DFFB: variants seen among roughly 807,000 people sequenced by gnomAD.
The protein encoded by DFFB is DNA fragmentation factor subunit beta.
DFFB carries 29 observed loss-of-function variants against 32.7 expected under a neutral mutation model. The observed-to-expected ratio is 0.89, with a 90% CI of 0.66 to 1.21. The LOEUF is 1.21. DFFB is among the 50% of genes most tolerant of loss of function. The pLI, the probability that DFFB is intolerant of heterozygous loss-of-function variation, is 0.00. For synonymous variants in DFFB, 170 were observed against 177.1 expected, an observed-to-expected ratio of 0.96 and a Z score of 0.32; for missense variants, 398 against 440.6, an observed-to-expected ratio of 0.90 and a Z score of 0.87.
intron 2 of DFFB, among the ~76,000 whole-genome samples, chr1:3,863,374 C>T (rs546472408): frequency 2.6e-5 from 4 of 152,148 alleles, no homozygotes; most frequent in East Asian, 3.9e-4. Context: ...CCAGTGTGGG[C>T]GAGGATGCAG....
At chr1:3,877,845 ATTCTGTGCCG>A (rs879859215) in intron 6 of DFFB, among the ~76,000 whole-genome samples, 1,463 of 113,672 alleles carry the variant, frequency 0.013, 15 homozygotes, top group Admixed American at 0.021. Context: ...CCGGCTTTCT[ATTCTGTGCCG>A]GCTTTCTATT....
Position 3,874,902 on chromosome 1 carries a change from C to T in DFFB, c.782+2330C>T, listed in dbSNP as rs1211948529. On this transcript the variant is annotated intron_variant, in intron 6 of 6. Coordinates refer to ENST00000378209, the MANE Select transcript of DFFB (RefSeq NM_004402.4). Reference sequence around the variant, plus strand: ...CCTCCCATGCTGTGGTCTGCAGAGCCGTGTAGCTGCACCTTTACCACACGT... The same window carrying T: ...CCTCCCATGCTGTGGTCTGCAGAGCTGTGTAGCTGCACCTTTACCACACGT... 4.6e-5 allele frequency among the ~76,000 whole-genome samples: 7 copies of T among 151,688 alleles called. No individual in the cohort carries two copies. The East Asian group carries it at 5.9e-4, about 13-fold the overall frequency.
intron 3 of DFFB, 175 bp from the exon 4 acceptor site, chr1:3,867,799 G>A (rs1645013899): frequency 4.6e-6 from 3 of 653,422 alleles, no homozygotes; most frequent in Non-Finnish European, 8.3e-6. Flanking sequence ...GCTGTAGTAA[G>A]CTGTGTTCGT....
rs1358840918 is a variant in DFFB, at chr1:3,865,744, T to G, written c.242-68T>G. Reference sequence around the variant, plus strand: ...TGGGGGAAGATGTGGTCAGAGGCTCTTCTTGTGACCGGGGCAGGATGTGTC... The same window carrying G: ...TGGGGGAAGATGTGGTCAGAGGCTCGTCTTGTGACCGGGGCAGGATGTGTC... On this transcript the variant is annotated intron_variant, in intron 2 of 6. Coordinates refer to ENST00000378209, the MANE Select transcript of DFFB (RefSeq NM_004402.4). The surrounding 1 kb of genome is among the most constrained non-coding windows in gnomAD (Gnocchi z 4.7). 6.2e-7 allele frequency: 1 copy of G among 1,613,166 alleles called. No homozygotes were observed. The highest frequency in any genetic ancestry group is 1.1e-5 in the South Asian group (1 of 91,042).
intron 5 of DFFB, among the ~76,000 whole-genome samples, chr1:3,871,097 T>A (rs941971683): frequency 3.3e-5 from 5 of 152,022 alleles, no homozygotes; most frequent in African/African-American, 1.2e-4. Context: ...CATGGGTCCT[T>A]GCTTCTCACG....
intron 4 of DFFB, among the ~76,000 whole-genome samples, chr1:3,868,491 C>T (rs933225081): frequency 7.9e-5 from 12 of 152,076 alleles, no homozygotes; most frequent in Non-Finnish European, 1.5e-4. Context: ...ACCTCTCCAC[C>T]GCTCCCTCCT....
At chr1:3,867,230 C>G (rs1159833908) in intron 3 of DFFB, among the ~76,000 whole-genome samples, 1 of 152,252 alleles carries the variant, frequency 6.6e-6, no homozygotes, top group Non-Finnish European at 1.5e-5. Flanking sequence ...TGACAGTCCA[C>G]TGCGTGTACA....
At chr1:3,881,690 C>T (rs1645340958) in intron 6 of DFFB, among the ~76,000 whole-genome samples, 2 of 152,070 alleles carry the variant, frequency 1.3e-5, no homozygotes, top group African/African-American at 4.8e-5. Context: ...GAAACCCCAT[C>T]TACTAAAAAT....
chr1:3,884,992 C>T lies in DFFB; in HGVS notation c.*1251C>T, dbSNP rs1320635980. ...AAAAATGGTGAGCGATCATTTATTTCATGATTCAACCTGATACATTTACAT... is the reference window on the plus strand; with the variant it reads ...AAAAATGGTGAGCGATCATTTATTTTATGATTCAACCTGATACATTTACAT... On this transcript the variant is annotated 3_prime_UTR_variant, in exon 7 of 7. Coordinates refer to ENST00000378209, the MANE Select transcript of DFFB (RefSeq NM_004402.4). 6.6e-6 allele frequency: 1 copy of T among 152,262 alleles called. No individual in the cohort carries two copies. The highest frequency in any genetic ancestry group is 1.5e-5 in the Non-Finnish European group (1 of 68,058). The allele number at this position is 152,262 out of a possible 1,614,324, so 9.4% of individuals were successfully genotyped here. A position where few individuals can be genotyped will look rare whatever the true frequency, so the allele number is the denominator to read the frequency against.
intron 5 of DFFB, among the ~76,000 whole-genome samples, chr1:3,871,849 G>A (rs1342162464): frequency 2.0e-5 from 3 of 152,222 alleles, no homozygotes; most frequent in African/African-American, 7.2e-5. Context: ...TGGTGGAAGG[G>A]GAGGCAGGAG....
intron 6 of DFFB, among the ~76,000 whole-genome samples, chr1:3,882,562 G>A (rs76906854): frequency 0.28 from 43,168 of 151,546 alleles, 6,470 homozygotes; most frequent in Non-Finnish European, 0.33. Context: ...ATGAGGTTTC[G>A]CCATCTTGGC....
intron 5 of DFFB, among the ~76,000 whole-genome samples, chr1:3,870,402 G>T (rs184273881): frequency 1.3e-5 from 2 of 151,058 alleles, no homozygotes; most frequent in Admixed American, 6.6e-5. Flanking sequence ...ATGGCCTGCG[G>T]TGCTTCTTCC....
chr1:3,861,087 G>A (rs1644870745), intron 2 of DFFB, among the ~76,000 whole-genome samples: 3 of 150,878 alleles, frequency 2.0e-5, no homozygotes, highest in Admixed American at 6.6e-5. Flanking sequence ...CCAGCAGGTG[G>A]AGGTTGCAGT....
intron 4 of DFFB, 41 bp from the exon 5 acceptor site, chr1:3,869,564 C>A (rs368386237): frequency 1.3e-6 from 2 of 1,575,132 alleles, no homozygotes; most frequent in Non-Finnish European, 8.6e-7. Flanking sequence ...GGTTTTGGGG[C>A]GCTGTGCACC....
chr1:3,880,637 T>G (rs1333059742), intron 6 of DFFB, among the ~76,000 whole-genome samples: 1 of 151,686 alleles, frequency 6.6e-6, no homozygotes, highest in Non-Finnish European at 1.5e-5. Flanking sequence ...GGGAAGTGCT[T>G]CCCGTAGGCC....
rs1167516632 is a variant in DFFB at position 3,884,538 on chromosome 1, C to T, written c.*797C>T. On this transcript the variant is annotated 3_prime_UTR_variant, in exon 7 of 7. Transcript: ENST00000378209. Reference sequence around the variant, plus strand: ...CTTTGGGGGTACGATGTTTATACTCCGTAAAGAACATACAAGGACATTCAC... The same window carrying T: ...CTTTGGGGGTACGATGTTTATACTCTGTAAAGAACATACAAGGACATTCAC... 2 of 152,080 alleles carry T rather than the reference C, an allele frequency of 1.3e-5. No individual in the cohort carries two copies. The highest frequency in any genetic ancestry group is 6.6e-5 in the Admixed American group (1 of 15,256). 9.4% of individuals were successfully genotyped at this position (152,080 alleles called of 1,614,324 possible).
At chr1:3,869,857 T>C (rs1645076632) in intron 5 of DFFB, 82 bp downstream of exon 5, 1 of 1,417,652 alleles carries the variant, frequency 7.1e-7, no homozygotes, top group Non-Finnish European at 9.4e-7. Context: ...GGTGGGGACC[T>C]TCAGCCCTTG....
Position 3,867,484 on chromosome 1 carries a change from T to A in DFFB, c.431-490T>A, listed in dbSNP as rs148396933. On this transcript the variant is annotated intron_variant, in intron 3 of 6. Coordinates refer to ENST00000378209, the MANE Select transcript of DFFB (RefSeq NM_004402.4). Reference sequence around the variant, plus strand: ...TGAGGGCCAGGCAGAAGCTCCTTGGTGGTATTTGAGATGCTTCTAACAACA... The same window carrying A: ...TGAGGGCCAGGCAGAAGCTCCTTGGAGGTATTTGAGATGCTTCTAACAACA... Among the ~76,000 whole-genome samples, 223 of 152,340 alleles carry A rather than the reference T, an allele frequency of 1.5e-3. 1 individual carries two copies. The highest frequency in any genetic ancestry group is 5.2e-3 in the African/African-American group (216 of 41,576).
At chr1:3,857,863 C>G (rs542497524) in intron 1 of DFFB, 146 bp downstream of exon 1, 5 of 572,286 alleles carry the variant, frequency 8.7e-6, no homozygotes, top group Non-Finnish European at 1.5e-5. Flanking sequence ...GGACCCCGGG[C>G]CCCCGCAGCC....
Sources: gnomAD v4.1 joint callset for allele counts (sites outside exome capture counted in the v4.1 genomes callset) on GRCh38, gnomAD v4.1.1 for gene constraint, Gnocchi (gnomAD v3.1) non-coding constraint, MANE v1.5 for transcripts, NCBI Gene and HGNC (gene_info 2026-07-23, HGNC 2026-07-21) for gene names.